TMPRSS2: variants seen among roughly 807,000 people sequenced by gnomAD.
TMPRSS2 encodes the protein transmembrane serine protease 2, also known as transmembrane protease serine 2.
In TMPRSS2, 59 loss-of-function variants were observed where a neutral mutation model predicts 67.4. That is an observed-to-expected ratio of 0.88 (90% confidence interval 0.71 to 1.09). The LOEUF is 1.09. TMPRSS2 is among the 50% of genes least tolerant of loss of function. The pLI is 0.00. For synonymous variants in TMPRSS2, 257 were observed against 257.0 expected (o/e 1.00, Z 0.00); for missense variants, 668 against 642.7 (o/e 1.04, Z -0.43).
At chr21:41,480,661 C>A in intron 5 of TMPRSS2, 59 bp from the exon 6 acceptor site, 4 of 1,580,454 alleles carry the variant, frequency 2.5e-6, no homozygotes, top group Non-Finnish European at 3.4e-6. Flanking sequence ...TTTTTTGAGA[C>A]GGAGTCTCGC....
At chr21:41,467,334 A>T (rs981602772) in intron 13 of TMPRSS2, among the ~76,000 whole-genome samples, 6 of 151,352 alleles carry the variant, frequency 4.0e-5, no homozygotes, top group Non-Finnish European at 8.8e-5. Context: ...GGTTGCAGTG[A>T]GTCGAGATTG....
chr21:41,477,466 GA>G (rs1335042820), intron 7 of TMPRSS2, among the ~76,000 whole-genome samples: 1 of 151,714 alleles, frequency 6.6e-6, no homozygotes, highest in African/African-American at 2.4e-5. Context: ...CCTCCTCCTA[GA>G]AAAAAAATAA....
In TMPRSS2 at chr21:41,471,896, C is replaced by T. The variant is rs775137340; in HGVS notation, c.985G>A (p.Glu329Lys). Residue 329 changes from glutamate to lysine, a missense_variant, in exon 10 of 14, where the codon GAA (glutamate) becomes AAA (lysine). By Grantham distance (56) the Glu-to-Lys change is moderately conservative. Coordinates refer to ENST00000332149, the MANE Select transcript of TMPRSS2 (RefSeq NM_005656.4). ...FMFYGAGYQV[E>K]KVISHPNYDS... ...TAATTTGGATGAGAAATCACTTTTT[C>T]TACTTGGTATCCGGCTCCATAGAAC... is the stretch of plus-strand genomic sequence containing the variant. 3.1e-5 allele frequency: 50 copies of T among 1,613,460 alleles called. No homozygotes were observed. Among genetic ancestry groups the T allele is most frequent in the Non-Finnish European group, 4.1e-5 (48 of 1,179,884 alleles).
At chr21:41,469,613 C>G (rs1243943234) in intron 11 of TMPRSS2, among the ~76,000 whole-genome samples, 1 of 152,138 alleles carries the variant, frequency 6.6e-6, no homozygotes, top group Non-Finnish European at 1.5e-5. Flanking sequence ...TCAAATGCCA[C>G]CTCTTCCGAG....
At chr21:41,507,906 C>A in intron 1 of TMPRSS2, 175 bp downstream of exon 1, 1 of 1,493,582 alleles carries the variant, frequency 6.7e-7, no homozygotes, top group Non-Finnish European at 8.9e-7. Context: ...CCGGGAGGCG[C>A]CCTGCCCGGC....
intron 1 of TMPRSS2, among the ~76,000 whole-genome samples, 183 bp from the exon 2 acceptor site, chr21:41,498,372 T>C (rs1304747626): frequency 6.6e-6 from 1 of 152,126 alleles, no homozygotes; most frequent in Non-Finnish European, 1.5e-5. Flanking sequence ...TTTAAGGACT[T>C]TGGGACCCAC....
At position 41,480,343 on chromosome 21, in the gene TMPRSS2, G is replaced by A. The variant is rs370312550; in HGVS notation, c.572+133C>T. ...GACAAATTCCACCTGCTGGTTATAG[G>A]GCTCAGCTTTTGGAAGGTGACAATT... On this transcript the variant is annotated intron_variant, in intron 6 of 13. Transcript: ENST00000332149. 2.3e-5 allele frequency: 33 copies of A among 1,431,260 alleles called. No homozygotes were observed. In the East Asian group the frequency reaches 2.3e-4, roughly 10 times the overall value. 88.7% of individuals were successfully genotyped at this position (1,431,260 alleles called of 1,614,324 possible).
At chr21:41,501,147 G>A (rs911466266) in intron 1 of TMPRSS2, among the ~76,000 whole-genome samples, 4 of 152,122 alleles carry the variant, frequency 2.6e-5, no homozygotes, top group African/African-American at 9.7e-5. Flanking sequence ...AGGAACACCG[G>A]GAGCCACCAC....
In TMPRSS2 at chr21:41,471,785, C is replaced by T. The variant is rs903290883; in HGVS notation, c.1075+21G>A. The T allele has an allele frequency of 3.8e-6, 6 of 1,571,182 alleles. No individual in the cohort carries two copies. The African/African-American group carries it at 5.4e-5, about 14-fold the overall frequency. ...CTTTAAGATTCTGCCAACCTGCTTG[C>T]CAAGCCTGAGCCACACGTACCGTTG... On this transcript the variant is annotated intron_variant, in intron 10 of 13. Coordinates refer to ENST00000332149, the MANE Select transcript of TMPRSS2 (RefSeq NM_005656.4).
chr21:41,495,848 C>G (rs1335809208), intron 2 of TMPRSS2, among the ~76,000 whole-genome samples: 2 of 151,890 alleles, frequency 1.3e-5, no homozygotes, highest in East Asian at 3.9e-4. Flanking sequence ...CCCAGGGCTT[C>G]TGCATCTGCT....
chr21:41,489,547 G>A lies in TMPRSS2; in HGVS notation c.285C>T (p.Leu95=), dbSNP rs767961525. Reference sequence around the variant, plus strand: ...GGCCAGCGGCCAGCGCAGCTCCCACGAGGAAGGTCCCCAGGGTCAAGGTGA... The same window carrying A: ...GGCCAGCGGCCAGCGCAGCTCCCACAAGGAAGGTCCCCAGGGTCAAGGTGA... ...LCITLTLGTF[L]VGAALAAGLL... is the part of the protein sequence containing the mutation. Residue 95 remains leucine (L), a synonymous_variant, in exon 4 of 14, where the codon CTC becomes CTT. Coordinates refer to ENST00000332149, the MANE Select transcript of TMPRSS2 (RefSeq NM_005656.4). 1.7e-5 allele frequency: 28 copies of A among 1,614,030 alleles called. No individual in the cohort carries two copies. Among genetic ancestry groups the A allele is most frequent in the South Asian group, 3.3e-5 (3 of 91,076 alleles).
chr21:41,498,170 T>C lies in TMPRSS2; in HGVS notation c.-37A>G. On this transcript the variant is annotated 5_prime_UTR_variant, in exon 2 of 14. Transcript: ENST00000332149. The stretch of plus-strand genomic sequence containing the variant: ...CAACAGCATCGAGTAATGATAGGTA[T>C]CTGGAATGTTCAATATGACCTAGAA... The C allele has an allele frequency of 2.5e-6, 4 of 1,612,326 alleles. No homozygotes were observed. Among genetic ancestry groups the C allele is most frequent in the Non-Finnish European group, 2.5e-6 (3 of 1,178,604 alleles).
Position 41,470,778 on chromosome 21 carries a change from G to T in TMPRSS2, c.1076-35C>A, listed in dbSNP as rs143712818. Reference sequence around the variant, plus strand: ...GAAGAGAAAACACAGTGAGCCAGGCGGGTATCACCTATGTCTCCACCTGGC... The same window carrying T: ...GAAGAGAAAACACAGTGAGCCAGGCTGGTATCACCTATGTCTCCACCTGGC... On this transcript the variant is annotated intron_variant, in intron 10 of 13. Coordinates refer to ENST00000332149, the MANE Select transcript of TMPRSS2 (RefSeq NM_005656.4). The T allele has an allele frequency of 7.6e-4, 1,215 of 1,604,034 alleles. 8 individuals carry two copies. The African/African-American group carries it at 0.014, about 19-fold the overall frequency.
At position 41,476,580 on chromosome 21, in the gene TMPRSS2, T is replaced by C. The variant is rs754186953; in HGVS notation, c.724A>G (p.Ile242Val). ...SSKAVVSLRC[I>V]ACGVNLNSSR... ...GGGGGACTCCAGATGAACTTACCTA[T>C]ACAGCGTAAAGAAACCACTGCTTTT... Residue 242 changes from isoleucine (I) to valine (V), a missense_variant, in exon 8 of 14, where the codon ATA (isoleucine) becomes GTA (valine). Transcript: ENST00000332149. 2 of 1,613,438 alleles carry C rather than the reference T, an allele frequency of 1.2e-6. No individual in the cohort carries two copies. The highest frequency in any genetic ancestry group is 2.2e-5 in the South Asian group (2 of 91,064).
chr21:41,500,114 C>G (rs2091414188), intron 1 of TMPRSS2, among the ~76,000 whole-genome samples: 1 of 152,204 alleles, frequency 6.6e-6, no homozygotes, highest in African/African-American at 2.4e-5. Flanking sequence ...TGAGACTAGA[C>G]TCTAGATCCA....
chr21:41,501,929 A>T (rs1481004772), intron 1 of TMPRSS2, among the ~76,000 whole-genome samples: 2 of 152,268 alleles, frequency 1.3e-5, no homozygotes, highest in African/African-American at 4.8e-5. Flanking sequence ...CTGGAAAGCC[A>T]GCCACCATGA....
At position 41,464,506 on chromosome 21, in the gene TMPRSS2, G is replaced by T; in HGVS notation, c.*1636C>A. On this transcript the variant is annotated 3_prime_UTR_variant, in exon 14 of 14. Coordinates refer to ENST00000332149, the MANE Select transcript of TMPRSS2 (RefSeq NM_005656.4). ...CAACATCACCCCCTTATAAGGAAAT[G>T]GAGGCTGGTCCTACTCACCAGGCAG... The T allele has an allele frequency of 5.0e-6, 1 of 201,214 alleles. No individual in the cohort carries two copies. The highest frequency in any genetic ancestry group is 1.0e-5 in the Non-Finnish European group (1 of 97,540). 12.5% of individuals were successfully genotyped at this position (201,214 alleles called of 1,614,324 possible). A position where few individuals can be genotyped will look rare whatever the true frequency, so the allele number is the denominator to read the frequency against.
intron 1 of TMPRSS2, among the ~76,000 whole-genome samples, chr21:41,500,056 C>A (rs553861191): frequency 6.6e-6 from 1 of 152,290 alleles, no homozygotes; most frequent in South Asian, 2.1e-4. Flanking sequence ...AAAGCAGGTG[C>A]TCAAACAGCA....
intron 6 of TMPRSS2, among the ~76,000 whole-genome samples, chr21:41,479,817 C>T (rs1288979325): frequency 6.6e-6 from 1 of 152,114 alleles, no homozygotes; most frequent in Non-Finnish European, 1.5e-5. Flanking sequence ...CAGTAGCATC[C>T]TACCACCCTC....
Sources: gnomAD v4.1 joint callset for allele counts (sites outside exome capture counted in the v4.1 genomes callset) on GRCh38, gnomAD v4.1.1 for gene constraint, MANE v1.5 for transcripts, NCBI Gene and HGNC (gene_info 2026-07-23, HGNC 2026-07-21) for gene names.